Variants in NDST3 observed in about 807,000 individuals in gnomAD.
NDST3 encodes the protein N-deacetylase and N-sulfotransferase 3, also known as bifunctional heparan sulfate N-deacetylase/N-sulfotransferase 3.
NDST3 carries 58 observed loss-of-function variants against 96.1 expected under a neutral mutation model. That is an observed-to-expected ratio of 0.60 (90% confidence interval 0.49 to 0.75). NDST3 has a LOEUF of 0.75. Among genes scored for constraint, NDST3 ranks in the 30% least tolerant of loss-of-function variants. The pLI, the probability that NDST3 is intolerant of heterozygous loss-of-function variation, is 0.00. For missense variants in NDST3, 788 were observed against 1,034.2 expected (o/e 0.76, Z 3.27); for synonymous variants, 333 against 359.7 (o/e 0.93, Z 0.84).
intron 2 of NDST3, among the ~76,000 whole-genome samples, chr4:118,073,454 G>A (rs1727248070): frequency 6.6e-6 from 1 of 151,978 alleles, no homozygotes; most frequent in African/African-American, 2.4e-5. Context: ...ATTTTGGGTA[G>A]TTGCATGTTT....
chr4:118,113,701 A>G (rs559088056), intron 3 of NDST3, among the ~76,000 whole-genome samples: 1 of 152,284 alleles, frequency 6.6e-6, no homozygotes, highest in East Asian at 1.9e-4. Context: ...GGGCTCTAAT[A>G]AAACAAATCA....
intron 6 of NDST3, among the ~76,000 whole-genome samples, chr4:118,185,695 A>T (rs1472554125): frequency 3.3e-5 from 5 of 152,166 alleles, no homozygotes; most frequent in Non-Finnish European, 5.9e-5. Flanking sequence ...TGGGGTACAG[A>T]AACAGCCAGA....
chr4:118,040,593 C>T (rs1724387742), intron 1 of NDST3, among the ~76,000 whole-genome samples: 1 of 151,922 alleles, frequency 6.6e-6, no homozygotes, highest in Non-Finnish European at 1.5e-5. Flanking sequence ...GGATATTTCC[C>T]TCATTTCCTG....
intron 2 of NDST3, among the ~76,000 whole-genome samples, chr4:118,098,459 G>A (rs1729518423): frequency 6.6e-6 from 1 of 151,910 alleles, no homozygotes; most frequent in African/African-American, 2.4e-5. Flanking sequence ...ACAATTTCAA[G>A]TGAATACTTC....
chr4:118,074,122 C>T (rs148471260), intron 2 of NDST3, among the ~76,000 whole-genome samples: 121 of 152,138 alleles, frequency 8.0e-4, no homozygotes, highest in African/African-American at 2.7e-3. Context: ...ATTTTTATTG[C>T]CCTGTGATCT....
chr4:118,147,849 G>A (rs1734063885), intron 6 of NDST3, among the ~76,000 whole-genome samples: 1 of 152,126 alleles, frequency 6.6e-6, no homozygotes, highest in Non-Finnish European at 1.5e-5. Flanking sequence ...AAGATGTTAT[G>A]AGTCTTTGCT....
At chr4:118,033,914 A>T, upstream of NDST3, 1 of 152,120 alleles carries the variant, frequency 6.6e-6, no homozygotes, top group East Asian at 1.9e-4. Context: ...AGCCCCAGGT[A>T]ATCTCCATGG....
rs770410144 is a variant in NDST3 at position 118,105,096 on chromosome 4, T to C, written c.1060T>C (p.Tyr354His). ...TFNLGFSGKF[Y>H]HTGTEEEDEG... Reference sequence around the variant, plus strand: ...CAACCTGGGATTTTCAGGGAAATTTTACCATACAGGTAAGAAAAAGGGATT... The same window carrying C: ...CAACCTGGGATTTTCAGGGAAATTTCACCATACAGGTAAGAAAAAGGGATT... Residue 354 changes from tyrosine (Y) to histidine (H), a missense_variant, in exon 3 of 14, where the codon TAC becomes CAC. By Grantham distance (83) the Tyr-to-His change is moderately conservative. This residue lies in a region of NDST3 where 490 missense variants were observed against 708.8 expected (regional missense o/e 0.69). Coordinates refer to ENST00000296499, the MANE Select transcript of NDST3 (RefSeq NM_004784.3). 6.2e-7 allele frequency: 1 copy of C among 1,612,188 alleles called. No homozygotes were observed. The highest frequency in any genetic ancestry group is 1.1e-5 in the South Asian group (1 of 91,028).
intron 3 of NDST3, among the ~76,000 whole-genome samples, chr4:118,108,424 T>C (rs1730379579): frequency 1.3e-5 from 2 of 152,364 alleles, no homozygotes; most frequent in East Asian, 3.9e-4. Context: ...ATCAGTTTTC[T>C]ACAATTGCAA....
intron 6 of NDST3, among the ~76,000 whole-genome samples, chr4:118,152,364 G>A (rs1734456046): frequency 6.6e-6 from 1 of 152,306 alleles, no homozygotes; most frequent in East Asian, 1.9e-4. Context: ...AGTAATGTGG[G>A]ACTCCAGAAA....
intron 4 of NDST3, 99 bp downstream of exon 4, chr4:118,115,059 C>T: frequency 7.8e-7 from 1 of 1,278,898 alleles, no homozygotes; most frequent in South Asian, 1.4e-5. Flanking sequence ...AGTGGCTTTT[C>T]CATATGATCA....
chr4:118,257,848 G>C lies in NDST3; in HGVS notation c.*2136G>C, dbSNP rs549710926. ...CATGCTTACTGCTGTCTCTTTTATAGCAGCAGATGCCAGACATGCTAGGAA... is the reference window on the plus strand; with the variant it reads ...CATGCTTACTGCTGTCTCTTTTATACCAGCAGATGCCAGACATGCTAGGAA... On this transcript the variant is annotated 3_prime_UTR_variant, in exon 14 of 14. Coordinates refer to ENST00000296499, the MANE Select transcript of NDST3 (RefSeq NM_004784.3). 1.3e-5 allele frequency: 2 copies of C among 152,276 alleles called. No homozygotes were observed. The highest frequency in any genetic ancestry group is 4.1e-4 in the South Asian group (2 of 4,830). 9.4% of individuals were successfully genotyped at this position (152,276 alleles called of 1,614,324 possible).
Position 118,103,496 on chromosome 4 carries a change from G to T in NDST3, c.982-1522G>T, listed in dbSNP as rs188334738. ...CACAAAATGTGTGTGTATTATAATT[G>T]TCAGCAGTACAAATATACAGACACT... On this transcript the variant is annotated intron_variant, in intron 2 of 13. Coordinates refer to ENST00000296499, the MANE Select transcript of NDST3 (RefSeq NM_004784.3). 8.8e-4 allele frequency among the ~76,000 whole-genome samples: 134 copies of T among 152,192 alleles called. 2 individuals are homozygous for T. Among genetic ancestry groups the T allele is most frequent in the African/African-American group, 3.0e-3 (126 of 41,544 alleles).
chr4:118,054,404 A>C lies in NDST3; in HGVS notation c.494A>C (p.His165Pro). Reference protein sequence around the residue: ...VEYGVGVIGFHKTSEKSVQSF... With the variant: ...VEYGVGVIGFPKTSEKSVQSF... ...TATGGTGTGGGTGTCATTGGATTCC[A>C]CAAAACTAGTGAGAAGAGTGTACAG... The change falls in exon 2 of 14, where the codon CAC (histidine) becomes CCC (proline). Residue 165 changes from histidine (H) to proline (P), a missense_variant. His to Pro is a moderately conservative substitution (Grantham distance 77, BLOSUM62 -2). Transcript: ENST00000296499. 2.5e-6 allele frequency: 4 copies of C among 1,613,128 alleles called. No individual in the cohort carries two copies. Among genetic ancestry groups the C allele is most frequent in the Non-Finnish European group, 3.4e-6 (4 of 1,179,434 alleles).
chr4:118,128,927 G>A (rs1022246622), intron 4 of NDST3, among the ~76,000 whole-genome samples: 2 of 151,934 alleles, frequency 1.3e-5, no homozygotes, highest in Admixed American at 1.3e-4. Flanking sequence ...GGTTGTATGT[G>A]CCAAGGAATT....
intron 1 of NDST3, among the ~76,000 whole-genome samples, chr4:118,035,928 A>G (rs1487740406): frequency 6.6e-6 from 1 of 152,072 alleles, no homozygotes; most frequent in Non-Finnish European, 1.5e-5. Context: ...GATATTTGTT[A>G]TAGTTTAGTT....
intron 6 of NDST3, among the ~76,000 whole-genome samples, chr4:118,157,005 C>T (rs569172663): frequency 6.6e-6 from 1 of 151,992 alleles, no homozygotes; most frequent in African/African-American, 2.4e-5. Flanking sequence ...GAGTGCAAAC[C>T]ATTTTTTCAG....
chr4:118,189,748 G>A (rs2125963295), intron 6 of NDST3, among the ~76,000 whole-genome samples: 1 of 152,134 alleles, frequency 6.6e-6, no homozygotes. Flanking sequence ...TTACTCAAAG[G>A]CGAACAAAGA....
intron 6 of NDST3, among the ~76,000 whole-genome samples, chr4:118,192,008 GT>G: frequency 6.6e-6 from 1 of 152,164 alleles, no homozygotes; most frequent in Non-Finnish European, 1.5e-5. Flanking sequence ...TCTCACTGTA[GT>G]TTTGATTTGC....
Sources: gnomAD v4.1 joint callset for allele counts (sites outside exome capture counted in the v4.1 genomes callset) on GRCh38, gnomAD v4.1.1 for gene constraint, gnomAD v4.1.1 regional missense constraint, MANE v1.5 for transcripts, NCBI Gene and HGNC (gene_info 2026-07-23, HGNC 2026-07-21) for gene names.